The following STRBP variants were observed in gnomAD, a reference collection of about 807,000 sequenced individuals.
STRBP encodes spermatid perinuclear RNA binding protein.
Under a neutral mutation model 80.1 loss-of-function variants are expected in STRBP, and 13 were observed. That is an observed-to-expected ratio of 0.16 (90% CI 0.11 to 0.26). STRBP has a LOEUF of 0.26. STRBP is among the 10% of genes least tolerant of loss of function. The probability of loss-of-function intolerance (pLI) is 1.00; values close to 1 mark genes in which losing one functional copy is unlikely to be tolerated. For synonymous variants in STRBP, 284 were observed against 291.2 expected (o/e 0.98, Z 0.25); for missense variants, 485 against 815.2 (o/e 0.59, Z 4.93).
At chr9:123,192,083 C>T (rs2038945215) in intron 2 of STRBP, among the ~76,000 whole-genome samples, 1 of 152,114 alleles carries the variant, frequency 6.6e-6, no homozygotes, top group Non-Finnish European at 1.5e-5. Flanking sequence ...GCCTGAGCAA[C>T]TCAGTTAAGG....
At chr9:123,191,574 A>C (rs998567849) in intron 2 of STRBP, among the ~76,000 whole-genome samples, 1 of 152,204 alleles carries the variant, frequency 6.6e-6, no homozygotes, top group African/African-American at 2.4e-5. Flanking sequence ...ATGTAGCCAT[A>C]CATGATATGC....
At position 123,126,501 on chromosome 9, in the gene STRBP, G is replaced by A. The variant is rs1419589785; in HGVS notation, c.1943-828C>T. On this transcript the variant is annotated intron_variant, in intron 18 of 18. Coordinates refer to ENST00000348403, the MANE Select transcript of STRBP (RefSeq NM_018387.5). The surrounding 1 kb of genome is among the most constrained non-coding windows in gnomAD (Gnocchi z 4.4). ...GCTTTGGAAGTCAGTTATATGGCAC[G>A]TGGAAGAGAGGAGCTTTCTGATGTG... Among the ~76,000 whole-genome samples the A allele has an allele frequency of 6.6e-6, 1 of 152,138 alleles. No individual in the cohort carries two copies. The highest frequency in any genetic ancestry group is 1.5e-5 in the Non-Finnish European group (1 of 68,024).
At chr9:123,259,899 A>T (rs534132674) in intron 1 of STRBP, among the ~76,000 whole-genome samples, 1 of 152,358 alleles carries the variant, frequency 6.6e-6, no homozygotes, top group South Asian at 2.1e-4. Context: ...TTTGTGCCAA[A>T]CACAGCTAAT....
intron 2 of STRBP, among the ~76,000 whole-genome samples, chr9:123,200,718 GC>G (rs1353679467): frequency 1.1e-5 from 1 of 91,056 alleles, no homozygotes; most frequent in Admixed American, 1.5e-4. Flanking sequence ...CAGGCGCCCC[GC>G]CACACACCCC....
chr9:123,263,423 G>A (rs973297994), intron 1 of STRBP, among the ~76,000 whole-genome samples: 16 of 149,908 alleles, frequency 1.1e-4, no homozygotes, highest in Non-Finnish European at 8.8e-5. Context: ...TACTCGAGAT[G>A]CTAAGGCGGG....
intron 6 of STRBP, among the ~76,000 whole-genome samples, chr9:123,166,402 A>T (rs2037760072): frequency 6.6e-6 from 1 of 152,224 alleles, no homozygotes; most frequent in African/African-American, 2.4e-5. Flanking sequence ...TAAGGTATTT[A>T]TAATCCACAA....
intron 2 of STRBP, among the ~76,000 whole-genome samples, chr9:123,193,020 C>G (rs1330698421): frequency 6.6e-6 from 1 of 152,176 alleles, no homozygotes; most frequent in Non-Finnish European, 1.5e-5. Context: ...AAACGATTCC[C>G]TTACCTGGAC....
intron 11 of STRBP, among the ~76,000 whole-genome samples, chr9:123,152,412 C>A (rs919294503): frequency 3.3e-5 from 5 of 151,784 alleles, no homozygotes; most frequent in Non-Finnish European, 7.4e-5. Context: ...AATATACACA[C>A]GTGTATATAT....
intron 1 of STRBP, among the ~76,000 whole-genome samples, chr9:123,259,954 T>C (rs2041125311): frequency 6.6e-6 from 1 of 152,206 alleles, no homozygotes; most frequent in African/African-American, 2.4e-5. Context: ...AGGTACAGTT[T>C]TCAGTAGAGT....
At chr9:123,197,025 T>C (rs2039116890) in intron 2 of STRBP, among the ~76,000 whole-genome samples, 1 of 152,132 alleles carries the variant, frequency 6.6e-6, no homozygotes. Context: ...GTAAATATGG[T>C]ACATATACAT....
At chr9:123,245,624 G>A (rs1366509763) in intron 1 of STRBP, among the ~76,000 whole-genome samples, 2 of 152,026 alleles carry the variant, frequency 1.3e-5, no homozygotes, top group African/African-American at 2.4e-5. Context: ...CTCGTGATCC[G>A]CCCTCCTCAG....
chr9:123,204,186 T>C (rs1047021654), intron 2 of STRBP, among the ~76,000 whole-genome samples: 2 of 152,218 alleles, frequency 1.3e-5, no homozygotes, highest in Admixed American at 1.3e-4. Flanking sequence ...CAGGATCACA[T>C]TCAATGCTCA....
Position 123,126,598 on chromosome 9 carries a change from C to T in STRBP, c.1943-925G>A, listed in dbSNP as rs1013102114. ...GGGAGGAACAAGAGAGAAAAAAAGA[C>T]CAAGGAAAAACATGAATGTAACTTA... On this transcript the variant is annotated intron_variant, in intron 18 of 18. Coordinates refer to ENST00000348403, the MANE Select transcript of STRBP (RefSeq NM_018387.5). This position sits in a 1 kb window ranked among gnomAD's most constrained non-coding sequence, Gnocchi z 4.4. Among the ~76,000 whole-genome samples, 2 of 151,978 alleles carry T rather than the reference C, an allele frequency of 1.3e-5. No individual in the cohort carries two copies. The highest frequency in any genetic ancestry group is 4.2e-4 in the South Asian group (2 of 4,792).
intron 6 of STRBP, among the ~76,000 whole-genome samples, chr9:123,167,454 C>T (rs1041933678): frequency 2.0e-5 from 3 of 152,084 alleles, no homozygotes; most frequent in African/African-American, 7.2e-5. Context: ...CAGAATCGTA[C>T]AGCCCAGGTC....
chr9:123,111,798 C>CTG (rs1564202498), intron 3 of STRBP: 4 of 322,336 alleles, frequency 1.2e-5, no homozygotes, highest in Non-Finnish European at 1.9e-5. Context: ...CTTCTTAGAG[C>CTG]TGTACCATAA....
chr9:123,124,758 C>G lies in STRBP; in HGVS notation c.*839G>C. The G allele has an allele frequency of 1.0e-6, 1 of 985,414 alleles. No individual in the cohort carries two copies. Among genetic ancestry groups the G allele is most frequent in the South Asian group, 4.7e-5 (1 of 21,286 alleles). 61.0% of individuals were successfully genotyped at this position (985,414 alleles called of 1,614,324 possible). A position where few individuals can be genotyped will look rare whatever the true frequency, so the allele number is the denominator to read the frequency against. ...TTTTAAAAACTTGGAAATTCATAAA[C>G]TAGGATAATCACATTCTCCTTCCCC... On this transcript the variant is annotated 3_prime_UTR_variant, in exon 19 of 19. Coordinates refer to ENST00000348403, the MANE Select transcript of STRBP (RefSeq NM_018387.5).
At chr9:123,150,920 C>G (rs1269002632) in intron 11 of STRBP, among the ~76,000 whole-genome samples, 1 of 152,198 alleles carries the variant, frequency 6.6e-6, no homozygotes. Flanking sequence ...CCTGACTACA[C>G]TGAAATGATC....
At position 123,250,469 on chromosome 9, in the gene STRBP, T is replaced by C. The variant is rs138768335; in HGVS notation, c.-301-13503A>G. Among the ~76,000 whole-genome samples the C allele has an allele frequency of 3.3e-5, 5 of 152,316 alleles. No homozygotes were observed. In the East Asian group the frequency reaches 7.7e-4, roughly 23 times the overall value. On this transcript the variant is annotated intron_variant, in intron 1 of 18. Transcript: ENST00000348403. ...TACAACTCACATAAACAAGAGATCGTTGGGGTCCTCGATAATGTTTAAGAT... is the reference window on the plus strand; with the variant it reads ...TACAACTCACATAAACAAGAGATCGCTGGGGTCCTCGATAATGTTTAAGAT...
chr9:123,157,856 G>C (rs115752119), intron 11 of STRBP, among the ~76,000 whole-genome samples, 156 bp downstream of exon 11: 335 of 151,728 alleles, frequency 2.2e-3, no homozygotes, highest in African/African-American at 7.9e-3. Flanking sequence ...GATTTGGATG[G>C]GGACACAGCC....
Sources: allele counts gnomAD v4.1 joint callset (sites outside exome capture counted in the v4.1 genomes callset), GRCh38; gene constraint gnomAD v4.1.1; non-coding constraint Gnocchi (gnomAD v3.1); transcripts MANE v1.5; gene names NCBI Gene and HGNC (gene_info 2026-07-23, HGNC 2026-07-21).